MYH10: variants seen among roughly 807,000 people sequenced by gnomAD.
MYH10 encodes the protein myosin-10.
A neutral mutation model predicts 257.8 loss-of-function variants in MYH10; 55 were observed. The observed-to-expected ratio is 0.21, with a 90% CI of 0.17 to 0.27. MYH10 has a LOEUF of 0.27. Among genes scored for constraint, MYH10 ranks in the 10% least tolerant of loss-of-function variants. The probability of loss-of-function intolerance (pLI) is 1.00; values close to 1 mark genes in which losing one functional copy is unlikely to be tolerated. For missense variants in MYH10, 1,631 were observed against 2,500.6 expected (o/e 0.65, Z 7.42); for synonymous variants, 854 against 921.7 (o/e 0.93, Z 1.33).
rs34684979 is a variant in MYH10, at chr17:8,513,688, G to GT, written c.2614-20dup. ...GCTTCACCTATGACAAAATTAAGCAGTTTTTTTTTTTTTATCATTCCAGCT... is the reference window on the plus strand; with the variant it reads ...GCTTCACCTATGACAAAATTAAGCAGTTTTTTTTTTTTTTATCATTCCAGCT... On this transcript the variant is annotated intron_variant, in intron 22 of 42. Transcript: ENST00000360416. The GT allele has an allele frequency of 0.084, 110,668 of 1,314,240 alleles. 6 individuals carry two copies. The highest frequency in any genetic ancestry group is 0.092 in the Non-Finnish European group (87,742 of 954,172). The allele number at this position is 1,314,240 out of a possible 1,614,324, so 81.4% of individuals were successfully genotyped here. A position where few individuals can be genotyped will look rare whatever the true frequency, so the allele number is the denominator to read the frequency against.
intron 9 of MYH10, 53 bp downstream of exon 9, chr17:8,551,993 A>T: frequency 9.5e-7 from 1 of 1,056,354 alleles, no homozygotes; most frequent in Non-Finnish European, 1.3e-6. Flanking sequence ...TCAAAAAAAA[A>T]TTAAAAGAGA....
At chr17:8,537,581 AGGT>A (rs2082176203) in intron 14 of MYH10, among the ~76,000 whole-genome samples, 1 of 152,216 alleles carries the variant, frequency 6.6e-6, no homozygotes, top group African/African-American at 2.4e-5. Flanking sequence ...TCAGAGTGGC[AGGT>A]AACTCAATCC....
intron 11 of MYH10, among the ~76,000 whole-genome samples, 190 bp from the exon 12 acceptor site, chr17:8,546,852 T>C (rs2082461541): frequency 6.6e-6 from 1 of 152,218 alleles, no homozygotes; most frequent in South Asian, 2.1e-4. Flanking sequence ...TACACACTCA[T>C]TTTTAGGCTA....
intron 4 of MYH10, among the ~76,000 whole-genome samples, chr17:8,585,437 A>C (rs2152038114): frequency 6.6e-6 from 1 of 151,648 alleles, no homozygotes; most frequent in South Asian, 2.1e-4. Flanking sequence ...TTATGCAGAA[A>C]ACTTAATTAG....
chr17:8,515,631 C>G (rs1343851298), intron 21 of MYH10, among the ~76,000 whole-genome samples: 1 of 139,574 alleles, frequency 7.2e-6, no homozygotes, highest in African/African-American at 2.6e-5. Context: ...AAACCTCTGC[C>G]TCTTGGGCTC....
intron 2 of MYH10, among the ~76,000 whole-genome samples, chr17:8,608,941 G>T (rs2084918611): frequency 6.6e-6 from 1 of 152,092 alleles, no homozygotes; most frequent in South Asian, 2.1e-4. Context: ...CTTCCGCGTA[G>T]CTGGGACTAC....
intron 29 of MYH10, 84 bp from the exon 30 acceptor site, chr17:8,499,560 G>A: frequency 8.1e-7 from 1 of 1,235,960 alleles, no homozygotes; most frequent in South Asian, 1.3e-5. Flanking sequence ...CTGCAGAATT[G>A]TGCCTAACAC....
At chr17:8,563,916 G>A (rs1417138495) in intron 7 of MYH10, among the ~76,000 whole-genome samples, 2 of 150,092 alleles carry the variant, frequency 1.3e-5, no homozygotes, top group African/African-American at 4.9e-5. Context: ...AAGAGAGAGA[G>A]AAAGAAAATA....
At position 8,474,778 on chromosome 17, in the gene MYH10, G is replaced by C. The variant is rs1404602190; in HGVS notation, c.*1026C>G. 6.5e-6 allele frequency: 1 copy of C among 152,746 alleles called. No individual in the cohort carries two copies. The highest frequency in any genetic ancestry group is 2.4e-5 in the African/African-American group (1 of 41,454). 9.5% of individuals were successfully genotyped at this position (152,746 alleles called of 1,614,324 possible). A position where few individuals can be genotyped will look rare whatever the true frequency, so the allele number is the denominator to read the frequency against. ...GGAAGGGAGAAGGAAAAATGAAGGA[G>C]TCACACCCACTGGCATGTCAACATT... is the stretch of plus-strand genomic sequence containing the variant. On this transcript the variant is annotated 3_prime_UTR_variant, in exon 43 of 43. Transcript: ENST00000360416.
intron 4 of MYH10, 78 bp downstream of exon 4, chr17:8,589,003 C>A: frequency 7.3e-7 from 1 of 1,364,324 alleles, no homozygotes; most frequent in Non-Finnish European, 1.0e-6. Context: ...TCTACTTCTC[C>A]CCTCCCCCCA....
chr17:8,538,515 T>A (rs1033828760), intron 14 of MYH10, among the ~76,000 whole-genome samples: 31 of 152,240 alleles, frequency 2.0e-4, no homozygotes, highest in African/African-American at 7.2e-4. Context: ...TGGCCATGTT[T>A]TTATTTTTTA....
intron 21 of MYH10, among the ~76,000 whole-genome samples, chr17:8,518,104 CGTGTGTGTGTGTGTGTGTGTGT>C (rs58352961): frequency 4.3e-5 from 5 of 116,518 alleles, no homozygotes; most frequent in African/African-American, 6.9e-5. Context: ...CCCTTGGCCC[CGTGTGTGTGTGTGTGTGTGTGT>C]GTGTGTGTGT....
chr17:8,592,948 T>C lies in MYH10; in HGVS notation c.503-3840A>G, dbSNP rs1419596157. On this transcript the variant is annotated intron_variant, in intron 3 of 42. Coordinates refer to ENST00000360416, the MANE Select transcript of MYH10 (RefSeq NM_001256012.3). ...TCAAATCCAGCTATATATATATATA[T>C]ATATATATATATATATATATATAAA... 8.8e-3 allele frequency among the ~76,000 whole-genome samples: 944 copies of C among 107,356 alleles called. 91 individuals carry two copies. The highest frequency in any genetic ancestry group is 0.026 in the African/African-American group (849 of 32,420). 70.4% of individuals were successfully genotyped at this position (107,356 alleles called of 152,430 possible).
intron 30 of MYH10, among the ~76,000 whole-genome samples, chr17:8,497,193 T>G (rs1916765241): frequency 6.6e-6 from 1 of 152,250 alleles, no homozygotes; most frequent in East Asian, 1.9e-4. Flanking sequence ...GCCTCTGTGC[T>G]GAGTCCTAGA....
Position 8,548,304 on chromosome 17 carries a change from T to C in MYH10, c.1159+9A>G. The stretch of plus-strand genomic sequence containing the variant: ...GAAACAGAAATAAAGTCAGTATTCA[T>C]CAGTTTACCTGTATTTTCTGGCATG... On this transcript the variant is annotated intron_variant, in intron 11 of 42. Transcript: ENST00000360416. The C allele has an allele frequency of 6.3e-7, 1 of 1,589,496 alleles. No individual in the cohort carries two copies.
intron 17 of MYH10, among the ~76,000 whole-genome samples, chr17:8,529,420 C>T (rs560297853): frequency 6.6e-6 from 1 of 152,286 alleles, no homozygotes; most frequent in Admixed American, 6.5e-5. Context: ...AGGAGAAAGT[C>T]CAAAAGATCA....
Position 8,558,308 on chromosome 17 carries a change from T to A in MYH10, c.757-4290A>T, listed in dbSNP as rs566815393. Among the ~76,000 whole-genome samples the A allele has an allele frequency of 8.5e-5, 13 of 152,188 alleles. No homozygotes were observed. The South Asian group carries it at 2.7e-3, about 32-fold the overall frequency. On this transcript the variant is annotated intron_variant, in intron 7 of 42. Transcript: ENST00000360416. ...TGCTTTTTCAACATCTGAAGAACAA[T>A]GTGGTCTGTGCACTTCCACACATAG...
chr17:8,534,725 A>G (rs750800250), intron 16 of MYH10, among the ~76,000 whole-genome samples: 2 of 152,260 alleles, frequency 1.3e-5, no homozygotes, highest in Non-Finnish European at 2.9e-5. Context: ...AGCCAGGCAA[A>G]GAGGTGGAAC....
chr17:8,529,218 C>T (rs966755797), intron 17 of MYH10, among the ~76,000 whole-genome samples: 2 of 152,098 alleles, frequency 1.3e-5, no homozygotes, highest in African/African-American at 2.4e-5. Flanking sequence ...GGTGTGGGGT[C>T]GCCACCCCCT....
Sources: gnomAD v4.1 joint callset for allele counts (sites outside exome capture counted in the v4.1 genomes callset) on GRCh38, gnomAD v4.1.1 for gene constraint, MANE v1.5 for transcripts, NCBI Gene and HGNC (gene_info 2026-07-23, HGNC 2026-07-21) for gene names.